The following ASIC2 variants were observed in gnomAD, a reference collection of about 807,000 sequenced individuals.
The protein encoded by ASIC2 is acid-sensing ion channel 2.
In ASIC2, 25 loss-of-function variants were observed where a neutral mutation model predicts 57.3. That is an observed-to-expected ratio of 0.44 (90% CI 0.32 to 0.61). The LOEUF is 0.61. Among genes scored for constraint, ASIC2 ranks in the 20% least tolerant of loss-of-function variants. The pLI, the probability that ASIC2 is intolerant of heterozygous loss-of-function variation, is 0.06. For missense variants in ASIC2, 641 were observed against 738.1 expected (o/e 0.87, Z 1.52); for synonymous variants, 319 against 307.5 (o/e 1.04, Z -0.39).
intron 1 of ASIC2, among the ~76,000 whole-genome samples, chr17:33,766,407 G>A (rs1910937838): frequency 6.6e-6 from 1 of 152,202 alleles, no homozygotes; most frequent in Non-Finnish European, 1.5e-5. Flanking sequence ...CACTCTCCAA[G>A]TGGTTTCCTT....
chr17:33,531,491 G>T (rs913450210), intron 1 of ASIC2, among the ~76,000 whole-genome samples: 6 of 152,176 alleles, frequency 3.9e-5, no homozygotes, highest in Non-Finnish European at 2.9e-5. Flanking sequence ...GCCATCTGGG[G>T]GTTTAGGGCC....
intron 1 of ASIC2, among the ~76,000 whole-genome samples, chr17:33,560,739 G>A (rs1916047416): frequency 6.6e-6 from 1 of 152,192 alleles, no homozygotes; most frequent in East Asian, 1.9e-4. Context: ...CTCTGGGTGA[G>A]GGCAGACTGC....
intron 1 of ASIC2, among the ~76,000 whole-genome samples, chr17:33,776,940 C>A (rs1439093082): frequency 6.6e-6 from 1 of 152,222 alleles, no homozygotes; most frequent in Non-Finnish European, 1.5e-5. Context: ...CCATCTCCAG[C>A]CTCGCTCCCT....
At chr17:33,098,973 CA>C (rs984645652) in intron 2 of ASIC2, among the ~76,000 whole-genome samples, 5 of 148,616 alleles carry the variant, frequency 3.4e-5, no homozygotes, top group South Asian at 4.2e-4. Context: ...AATATATAAA[CA>C]AAAAATATAT....
At chr17:33,439,949 A>G (rs370857948) in intron 1 of ASIC2, among the ~76,000 whole-genome samples, 21 of 152,356 alleles carry the variant, frequency 1.4e-4, no homozygotes, top group African/African-American at 4.8e-4. Context: ...ATGTGGCTTT[A>G]TAGAGCAGGA....
At chr17:33,518,070 C>A (rs1224962532) in intron 1 of ASIC2, among the ~76,000 whole-genome samples, 2 of 152,146 alleles carry the variant, frequency 1.3e-5, no homozygotes, top group Non-Finnish European at 2.9e-5. Flanking sequence ...TATCTATTTG[C>A]CCCTCTGATG....
intron 1 of ASIC2, among the ~76,000 whole-genome samples, chr17:33,512,096 A>C (rs1331421139): frequency 1.3e-5 from 2 of 152,338 alleles, no homozygotes; most frequent in East Asian, 3.9e-4. Flanking sequence ...AGTAGGTAGT[A>C]TTGTAGTGAG....
intron 1 of ASIC2, among the ~76,000 whole-genome samples, chr17:33,343,085 G>A (rs1907793321): frequency 6.6e-6 from 1 of 152,182 alleles, no homozygotes; most frequent in African/African-American, 2.4e-5. Flanking sequence ...GAATAGGAGC[G>A]AGCAATCCTC....
chr17:33,163,698 A>T (rs1905226113), intron 1 of ASIC2, among the ~76,000 whole-genome samples: 1 of 152,088 alleles, frequency 6.6e-6, no homozygotes, highest in Non-Finnish European at 1.5e-5. Flanking sequence ...TGGATCTCAC[A>T]TCCTAGCGAG....
At chr17:33,858,256 G>A (rs1043331162) in intron 1 of ASIC2, among the ~76,000 whole-genome samples, 2 of 152,184 alleles carry the variant, frequency 1.3e-5, no homozygotes, top group Non-Finnish European at 1.5e-5. Flanking sequence ...AACCTGTGAG[G>A]GAGGTAAAAC....
chr17:33,505,839 T>C (rs766599943), intron 1 of ASIC2, among the ~76,000 whole-genome samples: 1 of 152,190 alleles, frequency 6.6e-6, no homozygotes, highest in Non-Finnish European at 1.5e-5. Flanking sequence ...GAGCTCAAGT[T>C]CCAAAGCCTG....
intron 3 of ASIC2, among the ~76,000 whole-genome samples, chr17:33,074,082 C>T (rs1355810825): frequency 6.6e-6 from 1 of 152,164 alleles, no homozygotes; most frequent in Non-Finnish European, 1.5e-5. Context: ...GCCTCCGAGG[C>T]TCTCTGCTCC....
chr17:33,727,160 C>A (rs1485951067), intron 1 of ASIC2, among the ~76,000 whole-genome samples: 1 of 152,100 alleles, frequency 6.6e-6, no homozygotes, highest in East Asian at 1.9e-4. Flanking sequence ...AACTCTTGAT[C>A]TAGTCTAACT....
intron 1 of ASIC2, among the ~76,000 whole-genome samples, chr17:33,155,059 C>T (rs1904945471): frequency 1.3e-5 from 2 of 152,196 alleles, no homozygotes; most frequent in African/African-American, 4.8e-5. Context: ...CAAGCAGCAC[C>T]TGTGAGAGCA....
At chr17:33,260,200 C>A (rs539287353) in intron 1 of ASIC2, among the ~76,000 whole-genome samples, 7 of 152,344 alleles carry the variant, frequency 4.6e-5, no homozygotes, top group Non-Finnish European at 1.0e-4. Flanking sequence ...AGGGGCAGAT[C>A]TGTGGATAAA....
intron 1 of ASIC2, among the ~76,000 whole-genome samples, chr17:34,020,206 G>T (rs775402499): frequency 2.6e-5 from 4 of 152,168 alleles, no homozygotes; most frequent in Non-Finnish European, 5.9e-5. Flanking sequence ...ATTTTGCCCT[G>T]TTTTCCAGTA....
At chr17:33,796,705 C>T (rs1911928672) in intron 1 of ASIC2, among the ~76,000 whole-genome samples, 1 of 152,176 alleles carries the variant, frequency 6.6e-6, no homozygotes, top group South Asian at 2.1e-4. Context: ...CATTGGCCTT[C>T]ACTCATAGCC....
intron 1 of ASIC2, among the ~76,000 whole-genome samples, chr17:33,858,837 ATGTGTAC>A (rs759781828): frequency 2.0e-5 from 3 of 152,232 alleles, no homozygotes; most frequent in Non-Finnish European, 2.9e-5. Context: ...AAGGAGGCAG[ATGTGTAC>A]TGTGGTTGTA....
intron 1 of ASIC2, among the ~76,000 whole-genome samples, chr17:33,478,167 G>A (rs577231447): frequency 4.3e-4 from 66 of 152,304 alleles, no homozygotes; most frequent in African/African-American, 1.4e-3. Context: ...CACCAATGGC[G>A]GAGAGCTACC....
Sources: gnomAD v4.1 joint callset for allele counts (sites outside exome capture counted in the v4.1 genomes callset) on GRCh38, gnomAD v4.1.1 for gene constraint, MANE v1.5 for transcripts, NCBI Gene and HGNC (gene_info 2026-07-23, HGNC 2026-07-21) for gene names.